PPP3CA: variants seen among roughly 807,000 people sequenced by gnomAD.
PPP3CA encodes the protein CAM-PRP catalytic subunit.
Under a neutral mutation model 66.5 loss-of-function variants are expected in PPP3CA, and 14 were observed. The observed-to-expected ratio is 0.21, with a 90% CI of 0.14 to 0.33. The LOEUF (loss-of-function observed/expected upper bound fraction) is 0.33, where lower values mean the gene tolerates loss of function less well. Ranked by LOEUF, PPP3CA falls within the 10% of genes least tolerant of loss-of-function variation. PPP3CA has a pLI of 1.00. For missense variants in PPP3CA, 317 were observed against 639.5 expected, an observed-to-expected ratio of 0.50 and a Z score of 5.44; for synonymous variants, 232 against 226.2, an observed-to-expected ratio of 1.03 and a Z score of -0.23.
At chr4:101,052,539 A>G (rs1158097345) in intron 10 of PPP3CA, among the ~76,000 whole-genome samples, 3 of 152,024 alleles carry the variant, frequency 2.0e-5, no homozygotes, top group Non-Finnish European at 2.9e-5. Context: ...TAGCTTTTAA[A>G]TTAGACACAA....
chr4:101,335,798 C>G (rs1272541906), intron 1 of PPP3CA, among the ~76,000 whole-genome samples: 1 of 152,112 alleles, frequency 6.6e-6, no homozygotes, highest in East Asian at 1.9e-4. Context: ...GCACAAGATG[C>G]TGGAGGTTCC....
intron 1 of PPP3CA, among the ~76,000 whole-genome samples, chr4:101,325,367 T>C (rs1433509751): frequency 6.6e-6 from 1 of 152,240 alleles, no homozygotes; most frequent in African/African-American, 2.4e-5. Flanking sequence ...GACCACACTT[T>C]TGAGTAGCAC....
intron 10 of PPP3CA, among the ~76,000 whole-genome samples, chr4:101,056,231 G>C (rs76263294): frequency 1.3e-5 from 2 of 152,166 alleles, no homozygotes; most frequent in Non-Finnish European, 2.9e-5. Flanking sequence ...AGGCTGTTTT[G>C]AGGATGAAAG....
In PPP3CA at chr4:101,025,240, AC is replaced by A. The variant is rs1456878316; in HGVS notation, c.*624del. 1 of 152,400 alleles carries A rather than the reference AC, an allele frequency of 6.6e-6. No homozygotes were observed. Among genetic ancestry groups the A allele is most frequent in the African/African-American group, 2.4e-5 (1 of 41,418 alleles). 9.4% of individuals were successfully genotyped at this position (152,400 alleles called of 1,614,324 possible). A position where few individuals can be genotyped will look rare whatever the true frequency, so the allele number is the denominator to read the frequency against. ...GAAACCTGAGGTAAGCATAATCTGTACAAAATTAAACTGTCCTTTTTGGCAT... is the reference window on the plus strand; with the variant it reads ...GAAACCTGAGGTAAGCATAATCTGTAAAAATTAAACTGTCCTTTTTGGCAT... On this transcript the variant is annotated 3_prime_UTR_variant, in exon 14 of 14. Coordinates refer to ENST00000394854, the MANE Select transcript of PPP3CA (RefSeq NM_000944.5).
intron 1 of PPP3CA, among the ~76,000 whole-genome samples, chr4:101,287,362 T>C (rs1727875927): frequency 6.6e-6 from 1 of 152,248 alleles, no homozygotes; most frequent in South Asian, 2.1e-4. Flanking sequence ...ACTTTTAATG[T>C]GTACATTTAG....
chr4:101,108,362 G>T (rs1445796859), intron 3 of PPP3CA, among the ~76,000 whole-genome samples: 1 of 152,150 alleles, frequency 6.6e-6, no homozygotes, highest in African/African-American at 2.4e-5. Flanking sequence ...AATGGAAAAT[G>T]GAATTATTTA....
intron 1 of PPP3CA, among the ~76,000 whole-genome samples, chr4:101,320,336 T>C (rs1363867943): frequency 6.6e-6 from 1 of 152,114 alleles, no homozygotes; most frequent in Non-Finnish European, 1.5e-5. Flanking sequence ...TTAAAATTAA[T>C]TGTTTACTTG....
At chr4:101,179,900 G>A (rs1724181847) in intron 2 of PPP3CA, among the ~76,000 whole-genome samples, 2 of 151,940 alleles carry the variant, frequency 1.3e-5, no homozygotes, top group Non-Finnish European at 2.9e-5. Context: ...AATCACTCAG[G>A]TCTACATTCA....
At chr4:101,327,009 A>T (rs1032651910) in intron 1 of PPP3CA, among the ~76,000 whole-genome samples, 11 of 152,214 alleles carry the variant, frequency 7.2e-5, no homozygotes, top group African/African-American at 2.7e-4. Flanking sequence ...TATTGTGATA[A>T]TTCCACCATT....
chr4:101,147,428 T>G (rs1466229294), intron 2 of PPP3CA, among the ~76,000 whole-genome samples: 2 of 152,094 alleles, frequency 1.3e-5, no homozygotes, highest in Admixed American at 6.5e-5. Flanking sequence ...ATCAAAGAAT[T>G]GAAAAGGATG....
intron 1 of PPP3CA, among the ~76,000 whole-genome samples, chr4:101,235,764 C>T (rs1360006729): frequency 6.6e-6 from 1 of 151,760 alleles, no homozygotes; most frequent in Admixed American, 6.6e-5. Flanking sequence ...TGTAGCTTCC[C>T]TCACTGATGT....
rs190311936 is a variant in PPP3CA, at chr4:101,179,118, G to A, written c.259+16798C>T. On this transcript the variant is annotated intron_variant, in intron 2 of 13. Coordinates refer to ENST00000394854, the MANE Select transcript of PPP3CA (RefSeq NM_000944.5). ...TCTTCTCTTTCTTGAACTATCTCTC[G>A]AACGATCACCCACTCCCCCTCCATT... Among the ~76,000 whole-genome samples the A allele has an allele frequency of 2.9e-3, 435 of 151,750 alleles. 7 individuals are homozygous for A. The highest frequency in any genetic ancestry group is 9.6e-3 in the African/African-American group (395 of 41,358).
At chr4:101,083,835 T>C (rs1729545314) in intron 6 of PPP3CA, among the ~76,000 whole-genome samples, 1 of 152,358 alleles carries the variant, frequency 6.6e-6, no homozygotes, top group East Asian at 1.9e-4. Flanking sequence ...TACAATAAGA[T>C]GATTATATCA....
chr4:101,112,636 C>T (rs1369627130), intron 2 of PPP3CA, among the ~76,000 whole-genome samples: 1 of 152,052 alleles, frequency 6.6e-6, no homozygotes, highest in African/African-American at 2.4e-5. Context: ...GTATTTTCTT[C>T]CTCGAATTTT....
At chr4:101,278,830 G>C (rs1253766710) in intron 1 of PPP3CA, among the ~76,000 whole-genome samples, 1 of 152,062 alleles carries the variant, frequency 6.6e-6, no homozygotes, top group Admixed American at 6.6e-5. Flanking sequence ...TCACCCCCGT[G>C]GACATCTGGC....
At chr4:101,090,716 T>A (rs1444142112) in intron 6 of PPP3CA, among the ~76,000 whole-genome samples, 1 of 150,314 alleles carries the variant, frequency 6.7e-6, no homozygotes, top group Non-Finnish European at 1.5e-5. Flanking sequence ...AGTGAAAATA[T>A]GTTTAATTCT....
intron 1 of PPP3CA, among the ~76,000 whole-genome samples, chr4:101,339,000 G>A (rs1345148486): frequency 6.6e-6 from 1 of 152,094 alleles, no homozygotes; most frequent in Admixed American, 6.5e-5. Flanking sequence ...AAATGTCAAC[G>A]GATGGCTCAA....
chr4:101,326,566 T>A (rs1729215235), intron 1 of PPP3CA, among the ~76,000 whole-genome samples: 1 of 152,210 alleles, frequency 6.6e-6, no homozygotes, highest in Non-Finnish European at 1.5e-5. Context: ...TTCTTGCCAT[T>A]TCAGCTTTTT....
chr4:101,285,913 A>G (rs574150181), intron 1 of PPP3CA, among the ~76,000 whole-genome samples: 1 of 152,310 alleles, frequency 6.6e-6, no homozygotes, highest in Admixed American at 6.5e-5. Context: ...AAAACAGCAT[A>G]AACTCCTACA....
Sources: gnomAD v4.1 joint callset for allele counts (sites outside exome capture counted in the v4.1 genomes callset) on GRCh38, gnomAD v4.1.1 for gene constraint, MANE v1.5 for transcripts, NCBI Gene and HGNC (gene_info 2026-07-23, HGNC 2026-07-21) for gene names.